POLG2: variants seen among roughly 807,000 people sequenced by gnomAD.
The protein encoded by POLG2 is DNA polymerase gamma 2, accessory subunit.
Under a neutral mutation model 56.5 loss-of-function variants are expected in POLG2, and 50 were observed. The observed-to-expected ratio is 0.88, with a 90% CI of 0.71 to 1.12. The LOEUF is 1.12. Ranked by LOEUF, POLG2 falls within the 50% of genes most tolerant of loss-of-function variation. The pLI is 0.00. For synonymous variants in POLG2, 226 were observed against 222.6 expected (o/e 1.02, Z -0.14); for missense variants, 584 against 583.3 (o/e 1.00, Z -0.01).
At chr17:64,491,039 G>GT (rs2038049537) in intron 3 of POLG2, 70 bp from the exon 4 acceptor site, 4 of 1,167,010 alleles carry the variant, frequency 3.4e-6, no homozygotes, top group Non-Finnish European at 5.1e-6. Flanking sequence ...ATAATTATCT[G>GT]TAAGAATTTA....
intron 3 of POLG2, 94 bp downstream of exon 3, chr17:64,492,573 C>T: frequency 1.4e-6 from 1 of 736,120 alleles, no homozygotes; most frequent in Non-Finnish European, 2.4e-6. Flanking sequence ...CTACATACAT[C>T]AAATATAATT....
chr17:64,495,270 T>G (rs1342617323), intron 1 of POLG2, among the ~76,000 whole-genome samples: 1 of 150,484 alleles, frequency 6.6e-6, no homozygotes, highest in Non-Finnish European at 1.5e-5. Context: ...ACGAAGAAAG[T>G]TAGGAAATAT....
At chr17:64,482,445 C>T (rs1259745346) in intron 6 of POLG2, among the ~76,000 whole-genome samples, 1 of 151,970 alleles carries the variant, frequency 6.6e-6, no homozygotes, top group Non-Finnish European at 1.5e-5. Context: ...CCTTAGCCTC[C>T]TGAGTATCTG....
intron 4 of POLG2, 27 bp downstream of exon 4, chr17:64,490,769 T>C: frequency 1.9e-6 from 3 of 1,582,454 alleles, no homozygotes; most frequent in Non-Finnish European, 2.6e-6. Flanking sequence ...GGGTAAAAAA[T>C]ACATAGGAGC....
intron 7 of POLG2, 66 bp from the exon 8 acceptor site, chr17:64,478,054 C>T: frequency 6.5e-7 from 1 of 1,545,382 alleles, no homozygotes; most frequent in African/African-American, 1.4e-5. Context: ...TCCACGTTGC[C>T]AGCTGTAATT....
intron 5 of POLG2, among the ~76,000 whole-genome samples, chr17:64,483,222 A>T (rs1011944374): frequency 2.6e-5 from 4 of 152,198 alleles, no homozygotes. Flanking sequence ...TGGCAGAAAG[A>T]AATTAATTTG....
chr17:64,490,850 GT>G lies in POLG2; in HGVS notation c.914del (p.Asn305ThrfsTer2), dbSNP rs1555668337. On this transcript the variant is annotated frameshift_variant, in exon 4 of 8. Transcript: ENST00000539111. LOFTEE classifies it high-confidence loss of function. ...WGKELIETLW[N>X]LGDHELLHMY... ...TGTGTAAAAGTTCGTGATCTCCTAG[GT>G]TCCACAGGGTTTCTATTAACTCCTT... 1 of 1,613,528 alleles carries G rather than the reference GT, an allele frequency of 6.2e-7. No individual in the cohort carries two copies. The highest frequency in any genetic ancestry group is 1.7e-5 in the Admixed American group (1 of 60,012).
At chr17:64,485,963 C>A in intron 4 of POLG2, 95 bp from the exon 5 acceptor site, 1 of 1,249,016 alleles carries the variant, frequency 8.0e-7, no homozygotes, top group Non-Finnish European at 1.2e-6. Flanking sequence ...CCTGGCCAGG[C>A]TGGAGTGCAG....
chr17:64,487,741 C>G (rs1055586396), intron 4 of POLG2, among the ~76,000 whole-genome samples: 4 of 152,174 alleles, frequency 2.6e-5, no homozygotes, highest in Non-Finnish European at 5.9e-5. Context: ...GTGACTCACT[C>G]CTGTAATCCT....
chr17:64,483,646 C>T (rs2037901776), intron 5 of POLG2, among the ~76,000 whole-genome samples: 1 of 151,904 alleles, frequency 6.6e-6, no homozygotes, highest in Admixed American at 6.6e-5. Context: ...AACTTTCTCT[C>T]TCTTGTCAAA....
At chr17:64,490,520 G>A (rs1555668297) in intron 4 of POLG2, 2 of 432,124 alleles carry the variant, frequency 4.6e-6, no homozygotes, top group African/African-American at 2.0e-5. Flanking sequence ...GAGTGTAAAG[G>A]CATATGACAA....
In POLG2 at chr17:64,490,938, C is replaced by A. The variant is rs560482429; in HGVS notation, c.827G>T (p.Ser276Ile). 1 of 1,614,036 alleles carries A rather than the reference C, an allele frequency of 6.2e-7. No individual in the cohort carries two copies. The highest frequency in any genetic ancestry group is 2.2e-5 in the East Asian group (1 of 44,876). ...CCGGCCTTCTTCATCCTGACAGTCACTGCTGCTGAAGTTAGATGGACTCAT... is the reference window on the plus strand; with the variant it reads ...CCGGCCTTCTTCATCCTGACAGTCAATGCTGCTGAAGTTAGATGGACTCAT... ...FAMSPSNFSS[S>I]DCQDEEGRKG... is the part of the protein sequence containing the mutation. Residue 276 changes from serine to isoleucine, a missense_variant, in exon 4 of 8, where the codon AGT becomes ATT. Transcript: ENST00000539111.
Position 64,477,906 on chromosome 17 carries a change from C to T in POLG2, c.1375G>A (p.Asp459Asn). The T allele has an allele frequency of 1.2e-6, 2 of 1,613,872 alleles. No individual in the cohort carries two copies. The highest frequency in any genetic ancestry group is 2.2e-5 in the South Asian group (2 of 91,040). The change falls in exon 8 of 8, where the codon GAC becomes AAC. Residue 459 changes from aspartate to asparagine, a missense_variant. Transcript: ENST00000539111. ...ENGLIHLRSRDTTMKEMMHIS... is the reference protein window; with the variant it reads ...ENGLIHLRSRNTTMKEMMHIS... The stretch of plus-strand genomic sequence containing the variant: ...TGCATCATTTCCTTCATTGTGGTGT[C>T]TCTGCTTCTCAGATGTATTAATCCA...
At chr17:64,493,062 C>A in intron 1 of POLG2, 41 bp from the exon 2 acceptor site, 1 of 1,609,092 alleles carries the variant, frequency 6.2e-7, no homozygotes, top group East Asian at 2.2e-5. Context: ...ATCTAGTCCA[C>A]AAACCCAAAT....
chr17:64,480,323 T>C lies in POLG2; in HGVS notation c.1258A>G (p.Thr420Ala). 6.3e-7 allele frequency: 1 copy of C among 1,595,594 alleles called. No homozygotes were observed. The highest frequency in any genetic ancestry group is 8.6e-7 in the Non-Finnish European group (1 of 1,164,314). ...AGTTGTTCCAATGAGGACTGCATAG[T>C]TTCCAAATAACCAGGCCACACAGAA... ...GISVWPGYLETMQSSLEQLYS... is the reference protein window; with the variant it reads ...GISVWPGYLEAMQSSLEQLYS... The change falls in exon 7 of 8, where the codon ACT becomes GCT. Residue 420 changes from threonine (T) to alanine (A), a missense_variant. Physicochemically the swap from Thr to Ala is moderately conservative, Grantham distance 58. Coordinates refer to ENST00000539111, the MANE Select transcript of POLG2 (RefSeq NM_007215.4).
At chr17:64,480,669 A>G (rs2144130878) in intron 6 of POLG2, among the ~76,000 whole-genome samples, 1 of 152,334 alleles carries the variant, frequency 6.6e-6, no homozygotes. Flanking sequence ...CCTTAGTATC[A>G]TTCAAAACAC....
rs930718069 is a variant in POLG2, at chr17:64,497,024, C to T, written c.-56G>A. 8 of 1,514,590 alleles carry T rather than the reference C, an allele frequency of 5.3e-6. No homozygotes were observed. In the African/African-American group the frequency reaches 1.1e-4, roughly 21 times the overall value. 93.8% of individuals were successfully genotyped at this position (1,514,590 alleles called of 1,614,324 possible). The stretch of plus-strand genomic sequence containing the variant: ...CATCACTCAACGGATCCCAACAAGC[C>T]ACCACTACCGTTAACAGAATCCGGA... On this transcript the variant is annotated 5_prime_UTR_variant, in exon 1 of 8. Transcript: ENST00000539111.
chr17:64,486,393 C>T (rs748112600), intron 4 of POLG2, among the ~76,000 whole-genome samples: 5 of 150,064 alleles, frequency 3.3e-5, no homozygotes, highest in Non-Finnish European at 5.9e-5. Flanking sequence ...CAGAGTCTCG[C>T]TCTGTCACCC....
At chr17:64,489,504 TA>T (rs1291799866) in intron 4 of POLG2, among the ~76,000 whole-genome samples, 1 of 151,532 alleles carries the variant, frequency 6.6e-6, no homozygotes, top group Non-Finnish European at 1.5e-5. Flanking sequence ...CTCATTCTTA[TA>T]ATCCAAGCAT....
Sources: allele counts gnomAD v4.1 joint callset (sites outside exome capture counted in the v4.1 genomes callset), GRCh38; gene constraint gnomAD v4.1.1; transcripts MANE v1.5; gene names NCBI Gene and HGNC (gene_info 2026-07-23, HGNC 2026-07-21).